The following DNAI7 variants were observed in gnomAD, a reference collection of about 807,000 sequenced individuals.
DNAI7 encodes cancer susceptibility 1.
Under a neutral mutation model 86.6 loss-of-function variants are expected in DNAI7, and 78 were observed. That is an observed-to-expected ratio of 0.90 (90% CI 0.75 to 1.09). The LOEUF is 1.09. DNAI7 is among the 50% of genes least tolerant of loss of function. DNAI7 has a pLI of 0.00. For missense variants in DNAI7, 753 were observed against 810.2 expected (o/e 0.93, Z 0.86); for synonymous variants, 274 against 273.0 (o/e 1.00, Z -0.04).
chr12:25,142,406 G>A (rs77068015), intron 9 of DNAI7, among the ~76,000 whole-genome samples: 27,575 of 151,640 alleles, frequency 0.18, 2,633 homozygotes, highest in Middle Eastern at 0.24. Flanking sequence ...CACTGCTCGG[G>A]TAATGGGTGC....
chr12:25,119,710 G>A (rs1460607218), intron 11 of DNAI7, among the ~76,000 whole-genome samples: 1 of 152,102 alleles, frequency 6.6e-6, no homozygotes, highest in Non-Finnish European at 1.5e-5. Flanking sequence ...CCATGCTAAG[G>A]GTGTGTAGGT....
At chr12:25,130,395 G>A (rs901152761) in intron 9 of DNAI7, among the ~76,000 whole-genome samples, 10 of 152,004 alleles carry the variant, frequency 6.6e-5, no homozygotes, top group African/African-American at 2.2e-4. Flanking sequence ...AAATTAGCCG[G>A]GCGCGGGGGC....
rs183345059 is a variant in DNAI7, at chr12:25,138,099, T to C, written c.1002+6266A>G. ...CAACCACTGCAGAATATACATTCTA[T>C]TATTCATCAGCTCAAGGAACATTAT... On this transcript the variant is annotated intron_variant, in intron 9 of 15. Coordinates refer to ENST00000395987, the MANE Select transcript of DNAI7 (RefSeq NM_018272.5). Among the ~76,000 whole-genome samples, 8 of 152,238 alleles carry C rather than the reference T, an allele frequency of 5.3e-5. No homozygotes were observed. The East Asian group carries it at 1.5e-3, about 29-fold the overall frequency.
rs983635750 is a variant in DNAI7 at position 25,155,370 on chromosome 12, A to T, written c.241T>A (p.Leu81Ile). 2 of 1,608,038 alleles carry T rather than the reference A, an allele frequency of 1.2e-6. No homozygotes were observed. Among genetic ancestry groups the T allele is most frequent in the African/African-American group, 2.7e-5 (2 of 74,752 alleles). ...TCTGCTTCAGGAAAACACCTCTCTAATAAATAAAGTTCTTCAAGTTCTTCA... is the reference window on the plus strand; with the variant it reads ...TCTGCTTCAGGAAAACACCTCTCTATTAAATAAAGTTCTTCAAGTTCTTCA... Reference protein sequence around the residue: ...RNEELEELYLLERCFPEAEKL... With the variant: ...RNEELEELYLIERCFPEAEKL... The change falls in exon 5 of 16, where the codon TTA (leucine) becomes ATA (isoleucine). Residue 81 changes from leucine to isoleucine, a missense_variant. Leu to Ile is a conservative substitution (Grantham distance 5, BLOSUM62 2). Transcript: ENST00000395987.
At chr12:25,136,087 A>G (rs1252305643) in intron 9 of DNAI7, among the ~76,000 whole-genome samples, 1 of 152,188 alleles carries the variant, frequency 6.6e-6, no homozygotes, top group East Asian at 1.9e-4. Context: ...CTGAAGGCCA[A>G]CAAACAGCCA....
intron 8 of DNAI7, among the ~76,000 whole-genome samples, chr12:25,145,271 A>C (rs1269665718): frequency 6.6e-6 from 1 of 152,154 alleles, no homozygotes; most frequent in Non-Finnish European, 1.5e-5. Flanking sequence ...GATTTCTCTC[A>C]GTGCCTTCAG....
intron 9 of DNAI7, among the ~76,000 whole-genome samples, chr12:25,129,452 G>T (rs1404441888): frequency 6.6e-6 from 1 of 152,164 alleles, no homozygotes; most frequent in African/African-American, 2.4e-5. Context: ...CCCAGGGTAT[G>T]ACCTGGAAAT....
Position 25,114,638 on chromosome 12 carries a change from G to A in DNAI7, c.1611+18C>T. 2.0e-6 allele frequency: 3 copies of A among 1,535,446 alleles called. No individual in the cohort carries two copies. Among genetic ancestry groups the A allele is most frequent in the South Asian group, 1.1e-5 (1 of 89,104 alleles). Reference sequence around the variant, plus strand: ...ACCTCTGATACGATAGTACATAACAGCTACAAGAGTAACTCACCTTAATTT... The same window carrying A: ...ACCTCTGATACGATAGTACATAACAACTACAAGAGTAACTCACCTTAATTT... On this transcript the variant is annotated intron_variant, in intron 13 of 15. Transcript: ENST00000395987.
intron 9 of DNAI7, among the ~76,000 whole-genome samples, chr12:25,139,105 A>G (rs12423047): frequency 0.12 from 17,526 of 152,094 alleles, 1,354 homozygotes; most frequent in Admixed American, 0.16. Flanking sequence ...CAGAAAACTT[A>G]AAGGAGATGA....
intron 2 of DNAI7, among the ~76,000 whole-genome samples, chr12:25,180,854 C>T (rs1350951685): frequency 6.6e-6 from 1 of 152,076 alleles, no homozygotes; most frequent in Admixed American, 6.5e-5. Context: ...GTCGCCCAGG[C>T]TGGAGTGTGT....
intron 12 of DNAI7, among the ~76,000 whole-genome samples, chr12:25,116,084 CTT>C (rs35310438): frequency 1.7e-4 from 23 of 138,064 alleles, no homozygotes; most frequent in East Asian, 2.1e-4. Flanking sequence ...GTATTTCTTT[CTT>C]TTTTTTTTTT....
intron 2 of DNAI7, 144 bp downstream of exon 2, chr12:25,190,470 T>C: frequency 2.7e-6 from 1 of 376,456 alleles, no homozygotes; most frequent in Non-Finnish European, 4.9e-6. Context: ...TATTCCATGA[T>C]TTAAACTGCA....
chr12:25,146,182 C>G (rs185459582), intron 8 of DNAI7, among the ~76,000 whole-genome samples: 2 of 151,024 alleles, frequency 1.3e-5, no homozygotes, highest in East Asian at 2.0e-4. Context: ...AGATTGCGCC[C>G]TTGCACTCCA....
chr12:25,142,039 T>C (rs1047875681), intron 9 of DNAI7, among the ~76,000 whole-genome samples: 3 of 152,152 alleles, frequency 2.0e-5, no homozygotes, highest in African/African-American at 7.2e-5. Flanking sequence ...AAAAGGACAC[T>C]TGCACATGCA....
chr12:25,169,858 A>G (rs1358574634), intron 2 of DNAI7, among the ~76,000 whole-genome samples: 1 of 151,632 alleles, frequency 6.6e-6, no homozygotes. Context: ...AAAAAAAAAA[A>G]AAAAAAGAAA....
At chr12:25,110,351 T>C in intron 14 of DNAI7, 111 bp from the exon 15 acceptor site, 2 of 654,530 alleles carry the variant, frequency 3.1e-6, no homozygotes, top group Non-Finnish European at 5.5e-6. Flanking sequence ...CTTAAAATTG[T>C]AAGTCAGAGT....
At chr12:25,131,234 T>C (rs1469631130) in intron 9 of DNAI7, among the ~76,000 whole-genome samples, 8 of 151,990 alleles carry the variant, frequency 5.3e-5, no homozygotes, top group African/African-American at 1.9e-4. Context: ...GTTTGCCTAC[T>C]GATCTTACAT....
rs1592505271 is a variant in DNAI7, at chr12:25,158,393, TGAG to T, written c.198+76_198+78del. ...CTAAATATTACTGGTAGCTATGGGC[TGAG>T]AAGGACATTAAATGACAATAAATCT... On this transcript the variant is annotated intron_variant, in intron 4 of 15. Coordinates refer to ENST00000395987, the MANE Select transcript of DNAI7 (RefSeq NM_018272.5). The T allele has an allele frequency of 1.9e-5, 21 of 1,132,970 alleles. No individual in the cohort carries two copies. The East Asian group carries it at 4.9e-4, about 27-fold the overall frequency. The allele number at this position is 1,132,970 out of a possible 1,614,324, so 70.2% of individuals were successfully genotyped here. A position where few individuals can be genotyped will look rare whatever the true frequency, so the allele number is the denominator to read the frequency against.
intron 9 of DNAI7, among the ~76,000 whole-genome samples, chr12:25,129,893 G>T (rs1427560153): frequency 1.3e-5 from 2 of 151,980 alleles, no homozygotes; most frequent in African/African-American, 4.8e-5. Flanking sequence ...CTCTTGAGTG[G>T]CTGGGATTAC....
Sources: allele counts gnomAD v4.1 joint callset (sites outside exome capture counted in the v4.1 genomes callset), GRCh38; gene constraint gnomAD v4.1.1; transcripts MANE v1.5; gene names NCBI Gene and HGNC (gene_info 2026-07-23, HGNC 2026-07-21).